The following PLXNA2 variants were observed in gnomAD, a reference collection of about 807,000 sequenced individuals.
The protein encoded by PLXNA2 is plexin-A2.
A neutral mutation model predicts 193.5 loss-of-function variants in PLXNA2; 91 were observed. That is an observed-to-expected ratio of 0.47 (90% CI 0.40 to 0.56). PLXNA2 has a LOEUF of 0.56. Ranked by LOEUF, PLXNA2 falls within the 20% of genes least tolerant of loss-of-function variation. The pLI is 0.00. For synonymous variants in PLXNA2, 997 were observed against 1,027.3 expected (o/e 0.97, Z 0.56); for missense variants, 1,995 against 2,503.2 (o/e 0.80, Z 4.33).
Position 208,158,862 on chromosome 1 carries a change from AT to A in PLXNA2, c.1372-16400del, listed in dbSNP as rs577895277. ...CTGACCCTGTCGGGTTCTCCAACAA[AT>A]GGGTCGCTTTTCTTGGCTTTCAAGA... On this transcript the variant is annotated intron_variant, in intron 3 of 31. Transcript: ENST00000367033. 4.1e-3 allele frequency among the ~76,000 whole-genome samples: 629 copies of A among 152,248 alleles called. 1 individual carries two copies. Among genetic ancestry groups the A allele is most frequent in the Non-Finnish European group, 6.6e-3 (448 of 68,012 alleles).
In PLXNA2 at chr1:208,084,370, G is replaced by A. The variant is rs781391074; in HGVS notation, c.2298+10C>T. The stretch of plus-strand genomic sequence containing the variant: ...CTGCTCCAGGCAGGGCCCAGCCTGC[G>A]TTTTCTTACCGAGCTGTTCTGACAC... On this transcript the variant is annotated intron_variant, in intron 10 of 31. Coordinates refer to ENST00000367033, the MANE Select transcript of PLXNA2 (RefSeq NM_025179.4). 15 of 1,613,820 alleles carry A rather than the reference G, an allele frequency of 9.3e-6. No individual in the cohort carries two copies. The highest frequency in any genetic ancestry group is 3.3e-5 in the Admixed American group (2 of 60,006).
Position 208,110,786 on chromosome 1 carries a change from AG to A in PLXNA2, c.1507-7540del, listed in dbSNP as rs1667439829. Among the ~76,000 whole-genome samples, 3 of 152,202 alleles carry A rather than the reference AG, an allele frequency of 2.0e-5. No homozygotes were observed. In the South Asian group the frequency reaches 6.2e-4, roughly 31 times the overall value. On this transcript the variant is annotated intron_variant, in intron 4 of 31. Coordinates refer to ENST00000367033, the MANE Select transcript of PLXNA2 (RefSeq NM_025179.4). ...AGACAGACAGAGGCAAGGACTGCAG[AG>A]GGAAGGCCCCTTCTCCTGGAGCTGC... is the stretch of plus-strand genomic sequence containing the variant.
chr1:208,231,129 C>T (rs1315732924), intron 1 of PLXNA2, among the ~76,000 whole-genome samples: 3 of 152,110 alleles, frequency 2.0e-5, no homozygotes, highest in African/African-American at 7.2e-5. Flanking sequence ...TCCCTCAGCC[C>T]ACTGTGAGGG....
chr1:208,042,410 A>G (rs1216261923), intron 21 of PLXNA2, 44 bp from the exon 22 acceptor site: 1 of 1,590,298 alleles, frequency 6.3e-7, no homozygotes. Flanking sequence ...GAGGACAGGC[A>G]TCGGGCCTCC....
intron 3 of PLXNA2, among the ~76,000 whole-genome samples, chr1:208,199,790 G>A (rs1243078167): frequency 6.6e-6 from 1 of 152,150 alleles, no homozygotes; most frequent in African/African-American, 2.4e-5. Flanking sequence ...CCGTGGGTAA[G>A]AACCTGGGTG....
At chr1:208,175,752 C>T (rs1055928078) in intron 3 of PLXNA2, among the ~76,000 whole-genome samples, 2 of 152,200 alleles carry the variant, frequency 1.3e-5, no homozygotes, top group African/African-American at 4.8e-5. Flanking sequence ...GGAGCAACAA[C>T]CTGAGGCCCT....
chr1:208,044,945 G>C lies in PLXNA2; in HGVS notation c.3639+122C>G. 1 of 1,222,372 alleles carries C rather than the reference G, an allele frequency of 8.2e-7. No homozygotes were observed. The highest frequency in any genetic ancestry group is 1.2e-6 in the Non-Finnish European group (1 of 844,890). The allele number at this position is 1,222,372 out of a possible 1,614,324, so 75.7% of individuals were successfully genotyped here. A position where few individuals can be genotyped will look rare whatever the true frequency, so the allele number is the denominator to read the frequency against. On this transcript the variant is annotated intron_variant, in intron 19 of 31. Transcript: ENST00000367033. This position sits in a 1 kb window ranked among gnomAD's most constrained non-coding sequence, Gnocchi z 4.9. ...TATACCCAATTTGATGTAGGACCCAGAGATGAGGAGATATGGAGGGGGTGA... is the reference window on the plus strand; with the variant it reads ...TATACCCAATTTGATGTAGGACCCACAGATGAGGAGATATGGAGGGGGTGA...
At position 208,026,206 on chromosome 1, in the gene PLXNA2, A is replaced by C. The variant is rs1332583732; in HGVS notation, c.*1037T>G. 1 of 152,264 alleles carries C rather than the reference A, an allele frequency of 6.6e-6. No homozygotes were observed. The highest frequency in any genetic ancestry group is 1.5e-5 in the Non-Finnish European group (1 of 68,032). The allele number at this position is 152,264 out of a possible 1,614,324, so 9.4% of individuals were successfully genotyped here. ...AACCTCGTGGAGGCCTGGCCCACAC[A>C]CCTCCAGGCCGTTTCCCCAGGGTGC... On this transcript the variant is annotated 3_prime_UTR_variant, in exon 32 of 32. Coordinates refer to ENST00000367033, the MANE Select transcript of PLXNA2 (RefSeq NM_025179.4).
In PLXNA2 at chr1:208,038,829, G is replaced by C; in HGVS notation, c.4656C>G (p.Asp1552Glu). Residue 1552 changes from aspartate (D) to glutamate (E), a missense_variant, in exon 25 of 32, where the codon GAC (aspartate) becomes GAG (glutamate). Asp to Glu is a conservative substitution (Grantham distance 45). Around this residue, in one of 3 missense-constraint regions of PLXNA2, gnomAD observed 1,291 missense variants for 1,673.6 expected, o/e 0.77. Coordinates refer to ENST00000367033, the MANE Select transcript of PLXNA2 (RefSeq NM_025179.4). The surrounding 1 kb of genome is among the most constrained non-coding windows in gnomAD (Gnocchi z 4.1). Reference protein sequence around the residue: ...YSQRPRAVDMDLEWRQGRIAR... With the variant: ...YSQRPRAVDMELEWRQGRIAR... ...CTCTGAGTCCAGGTTTCCTACCCAA[G>C]TCCATGTCCACTGCCCTCGGCCGCT... The C allele has an allele frequency of 6.2e-7, 1 of 1,613,692 alleles. No homozygotes were observed. The highest frequency in any genetic ancestry group is 1.1e-5 in the South Asian group (1 of 91,018).
At chr1:208,074,408 C>A (rs574313573) in intron 12 of PLXNA2, among the ~76,000 whole-genome samples, 65 of 152,290 alleles carry the variant, frequency 4.3e-4, no homozygotes, top group African/African-American at 1.4e-3. Flanking sequence ...GCTCAGGAGG[C>A]CTCCCATGGG....
intron 4 of PLXNA2, among the ~76,000 whole-genome samples, chr1:208,109,278 C>A (rs1667385210): frequency 6.6e-6 from 1 of 152,118 alleles, no homozygotes; most frequent in East Asian, 1.9e-4. Flanking sequence ...CTCTCCTTTC[C>A]TTTTTACCTT....
chr1:208,145,123 G>A (rs368639210), intron 3 of PLXNA2, among the ~76,000 whole-genome samples: 2 of 152,316 alleles, frequency 1.3e-5, no homozygotes, highest in African/African-American at 4.8e-5. Context: ...ATTGCAAGAG[G>A]TAGAGGGCAG....
chr1:208,035,963 C>T (rs1664659138), intron 26 of PLXNA2, among the ~76,000 whole-genome samples: 1 of 152,184 alleles, frequency 6.6e-6, no homozygotes, highest in Non-Finnish European at 1.5e-5. Context: ...TAAGATTATG[C>T]AGATTTTCTT....
At chr1:208,075,075 T>C (rs1666104010) in intron 12 of PLXNA2, among the ~76,000 whole-genome samples, 1 of 152,082 alleles carries the variant, frequency 6.6e-6, no homozygotes. Context: ...CTTTGGGAAG[T>C]TGAGGTGGGC....
At chr1:208,211,565 T>A (rs184323826) in intron 2 of PLXNA2, among the ~76,000 whole-genome samples, 22 of 152,160 alleles carry the variant, frequency 1.4e-4, no homozygotes, top group Admixed American at 1.4e-3. Context: ...TGGTGGTGTG[T>A]GCCTGTAGTC....
chr1:208,168,328 AT>A (rs1669375197), intron 3 of PLXNA2, among the ~76,000 whole-genome samples: 6 of 152,352 alleles, frequency 3.9e-5, no homozygotes, highest in Admixed American at 2.6e-4. Flanking sequence ...CTTCCCTCAG[AT>A]TTCAGTTAAA....
Position 208,028,284 on chromosome 1 carries a change from T to C in PLXNA2, c.5439-125A>G, listed in dbSNP as rs539040513. ...TGCTCCTGCCTCCCTATTTCTCTTC[T>C]GATGTGGCTTCCTCTGGCCTCTTGC... On this transcript the variant is annotated intron_variant, in intron 30 of 31. Coordinates refer to ENST00000367033, the MANE Select transcript of PLXNA2 (RefSeq NM_025179.4). This position sits in a 1 kb window ranked among gnomAD's most constrained non-coding sequence, Gnocchi z 4.2. The C allele has an allele frequency of 2.4e-6, 2 of 839,028 alleles. No individual in the cohort carries two copies. Among genetic ancestry groups the C allele is most frequent in the Non-Finnish European group, 1.8e-6 (1 of 552,124 alleles). 52.0% of individuals were successfully genotyped at this position (839,028 alleles called of 1,614,324 possible). A position where few individuals can be genotyped will look rare whatever the true frequency, so the allele number is the denominator to read the frequency against.
intron 3 of PLXNA2, among the ~76,000 whole-genome samples, chr1:208,179,059 A>AGC (rs1479667701): frequency 2.0e-5 from 3 of 152,198 alleles, no homozygotes; most frequent in African/African-American, 7.2e-5. Flanking sequence ...CACAAGCATG[A>AGC]CAGCACGCTG....
intron 3 of PLXNA2, among the ~76,000 whole-genome samples, chr1:208,198,410 C>A (rs557017411): frequency 1.3e-5 from 2 of 152,236 alleles, no homozygotes; most frequent in East Asian, 1.9e-4. Flanking sequence ...CCTGGCCCCA[C>A]GCTTTACCCA....
Sources: allele counts gnomAD v4.1 joint callset (sites outside exome capture counted in the v4.1 genomes callset), GRCh38; gene constraint gnomAD v4.1.1; regional missense constraint gnomAD v4.1.1; non-coding constraint Gnocchi (gnomAD v3.1); transcripts MANE v1.5; gene names NCBI Gene and HGNC (gene_info 2026-07-23, HGNC 2026-07-21).